RNF144A: variants seen among roughly 807,000 people sequenced by gnomAD.
RNF144A encodes ring finger protein 144A.
Under a neutral mutation model 38.7 loss-of-function variants are expected in RNF144A, and 11 were observed. The observed-to-expected ratio is 0.28, with a 90% CI of 0.18 to 0.47. The LOEUF is 0.47. Among genes scored for constraint, RNF144A ranks in the 20% least tolerant of loss-of-function variants. The pLI, the probability that RNF144A is intolerant of heterozygous loss-of-function variation, is 0.99. For missense variants in RNF144A, 316 were observed against 377.2 expected, an observed-to-expected ratio of 0.84 and a Z score of 1.34; for synonymous variants, 149 against 143.9, an observed-to-expected ratio of 1.04 and a Z score of -0.25.
intron 3 of RNF144A, among the ~76,000 whole-genome samples, chr2:7,008,430 G>A (rs868113271): frequency 6.6e-6 from 1 of 152,278 alleles, no homozygotes; most frequent in South Asian, 2.1e-4. Context: ...ATTAAGAACC[G>A]CAGGCCTGAC....
At chr2:6,961,118 A>G (rs1667305329) in intron 2 of RNF144A, among the ~76,000 whole-genome samples, 1 of 152,006 alleles carries the variant, frequency 6.6e-6, no homozygotes, top group African/African-American at 2.4e-5. Flanking sequence ...TTTCTCTTTA[A>G]AACATAATAA....
intron 6 of RNF144A, among the ~76,000 whole-genome samples, chr2:7,058,076 C>A (rs2103477580): frequency 6.6e-6 from 1 of 152,246 alleles, no homozygotes; most frequent in Non-Finnish European, 1.5e-5. Context: ...TAACTATCTT[C>A]TTTTTAATGT....
chr2:7,021,703 C>T (rs959895240), intron 6 of RNF144A, among the ~76,000 whole-genome samples: 2 of 152,220 alleles, frequency 1.3e-5, no homozygotes, highest in African/African-American at 4.8e-5. Flanking sequence ...TGAGTTCTTG[C>T]GTTGACAAGG....
At chr2:7,039,506 A>G (rs992598913) in intron 8 of RNF144A, 123 bp from the exon 9 acceptor site, 5 of 1,490,260 alleles carry the variant, frequency 3.4e-6, no homozygotes, top group East Asian at 2.3e-5. Context: ...ATGGATGGAT[A>G]GATGGATGGT....
intron 3 of RNF144A, among the ~76,000 whole-genome samples, chr2:7,007,320 A>G (rs916804845): frequency 6.6e-6 from 1 of 152,202 alleles, no homozygotes; most frequent in Non-Finnish European, 1.5e-5. Context: ...GAAAATTCAG[A>G]TCTTCCCAAC....
intron 2 of RNF144A, among the ~76,000 whole-genome samples, chr2:6,990,045 C>A (rs1029813673): frequency 2.0e-5 from 3 of 152,196 alleles, no homozygotes; most frequent in African/African-American, 7.2e-5. Flanking sequence ...CATTGATCAG[C>A]ATTCTCTCCC....
chr2:6,937,004 A>G (rs1665633719), intron 1 of RNF144A, among the ~76,000 whole-genome samples: 1 of 152,164 alleles, frequency 6.6e-6, no homozygotes, highest in African/African-American at 2.4e-5. Flanking sequence ...GGGTGCAAGA[A>G]AAGGTTGAGT....
intron 8 of RNF144A, among the ~76,000 whole-genome samples, chr2:7,035,975 TG>T (rs761209553): frequency 6.6e-6 from 1 of 152,176 alleles, no homozygotes; most frequent in Non-Finnish European, 1.5e-5. Context: ...TAAATGAGCA[TG>T]AAAACCAGCA....
downstream of RNF144A, chr2:7,068,356 A>G (rs1674319491): frequency 2.7e-6 from 2 of 734,448 alleles, no homozygotes; most frequent in Non-Finnish European, 4.2e-6. Flanking sequence ...GTGAAACTTT[A>G]TAGTGAAAAT....
chr2:7,071,816 C>G (rs1674494429), downstream of RNF144A, among the ~76,000 whole-genome samples: 1 of 152,202 alleles, frequency 6.6e-6, no homozygotes, highest in Non-Finnish European at 1.5e-5. Context: ...ACATTTACCA[C>G]CAGTTTGCTT....
At chr2:7,013,600 G>A (rs1221339203) in intron 3 of RNF144A, among the ~76,000 whole-genome samples, 3 of 152,114 alleles carry the variant, frequency 2.0e-5, no homozygotes, top group Non-Finnish European at 2.9e-5. Context: ...TCTTATATAA[G>A]CTCTACATCT....
intron 2 of RNF144A, among the ~76,000 whole-genome samples, chr2:6,985,898 T>A (rs894642990): frequency 2.6e-5 from 4 of 152,094 alleles, no homozygotes; most frequent in African/African-American, 9.7e-5. Context: ...ATGGTCTCGA[T>A]CTCCTGACCT....
At chr2:6,928,102 C>G (rs1664991247) in intron 1 of RNF144A, among the ~76,000 whole-genome samples, 1 of 152,214 alleles carries the variant, frequency 6.6e-6, no homozygotes, top group Non-Finnish European at 1.5e-5. Flanking sequence ...CCCACTTGCC[C>G]TGTTTGGGCA....
In RNF144A at chr2:6,917,789, G is replaced by C. The variant is rs1664224757; in HGVS notation, c.-212+167G>C. 7.3e-5 allele frequency among the ~76,000 whole-genome samples: 11 copies of C among 150,236 alleles called. No individual in the cohort carries two copies. In the South Asian group the frequency reaches 2.3e-3, roughly 31 times the overall value. ...CCGGTGGCAGCGGGCGGGGGGCAGC[G>C]TCCCGGGCGGGGACTCGCGGGCTCC... is the stretch of plus-strand genomic sequence containing the variant. On this transcript the variant is annotated intron_variant, in intron 1 of 8. Coordinates refer to ENST00000320892, the MANE Select transcript of RNF144A (RefSeq NM_014746.6). The surrounding 1 kb of genome is among the most constrained non-coding windows in gnomAD (Gnocchi z 4.8).
intron 2 of RNF144A, among the ~76,000 whole-genome samples, chr2:6,949,597 G>C (rs1388497445): frequency 6.6e-6 from 1 of 152,188 alleles, no homozygotes; most frequent in Non-Finnish European, 1.5e-5. Flanking sequence ...GCACCGAGCT[G>C]AGTCTCTGGT....
chr2:6,997,135 T>G lies in RNF144A; in HGVS notation c.135+74T>G, dbSNP rs922814097. On this transcript the variant is annotated intron_variant, in intron 3 of 8. Transcript: ENST00000320892. ...TTTTTGCTTTCATTTGCAGAGACAC[T>G]AGGCAAACCTTTGGACTACATTTTG... is the stretch of plus-strand genomic sequence containing the variant. 3.2e-5 allele frequency: 47 copies of G among 1,457,242 alleles called. No homozygotes were observed. The African/African-American group carries it at 6.4e-4, about 20-fold the overall frequency. The allele number at this position is 1,457,242 out of a possible 1,614,324, so 90.3% of individuals were successfully genotyped here. A position where few individuals can be genotyped will look rare whatever the true frequency, so the allele number is the denominator to read the frequency against.
chr2:7,042,574 C>G lies in RNF144A; in HGVS notation c.*2814C>G, dbSNP rs1055040047. 5.9e-5 allele frequency: 58 copies of G among 985,456 alleles called. No individual in the cohort carries two copies. Among genetic ancestry groups the G allele is most frequent in the Non-Finnish European group, 6.9e-5 (57 of 830,028 alleles). The allele number at this position is 985,456 out of a possible 1,614,324, so 61.0% of individuals were successfully genotyped here. A position where few individuals can be genotyped will look rare whatever the true frequency, so the allele number is the denominator to read the frequency against. On this transcript the variant is annotated 3_prime_UTR_variant, in exon 9 of 9. Coordinates refer to ENST00000320892, the MANE Select transcript of RNF144A (RefSeq NM_014746.6). Reference sequence around the variant, plus strand: ...TTAGCCCAGTGGACCTGTGGCTTCTCTGAGGCCCTTGAGTAACTGACCACA... The same window carrying G: ...TTAGCCCAGTGGACCTGTGGCTTCTGTGAGGCCCTTGAGTAACTGACCACA...
In RNF144A at chr2:7,043,432, T is replaced by C; in HGVS notation, c.*3672T>C. 1 of 985,778 alleles carries C rather than the reference T, an allele frequency of 1.0e-6. No homozygotes were observed. Among genetic ancestry groups the C allele is most frequent in the Non-Finnish European group, 1.2e-6 (1 of 829,922 alleles). 61.1% of individuals were successfully genotyped at this position (985,778 alleles called of 1,614,324 possible). A position where few individuals can be genotyped will look rare whatever the true frequency, so the allele number is the denominator to read the frequency against. On this transcript the variant is annotated 3_prime_UTR_variant, in exon 9 of 9. Coordinates refer to ENST00000320892, the MANE Select transcript of RNF144A (RefSeq NM_014746.6). ...CCAGGATGGGCTTTGTGTGTGTGTC[T>C]CAGATTCTCATTTATTAGTGAGCAC...
intron 6 of RNF144A, among the ~76,000 whole-genome samples, chr2:7,021,998 ATG>A (rs1426897859): frequency 6.6e-6 from 1 of 152,260 alleles, no homozygotes; most frequent in Non-Finnish European, 1.5e-5. Context: ...AAATCAGAAG[ATG>A]TCACATAAAA....
Sources: allele counts gnomAD v4.1 joint callset (sites outside exome capture counted in the v4.1 genomes callset), GRCh38; gene constraint gnomAD v4.1.1; non-coding constraint Gnocchi (gnomAD v3.1); transcripts MANE v1.5; gene names NCBI Gene and HGNC (gene_info 2026-07-23, HGNC 2026-07-21).